Variants in IGSF21 observed in about 807,000 individuals in gnomAD.
IGSF21 encodes the protein immunoglobin superfamily member 21.
A neutral mutation model predicts 46.8 loss-of-function variants in IGSF21; 28 were observed. The ratio of observed to expected loss-of-function variants is 0.60; its 90% CI spans 0.44 to 0.82. The LOEUF (loss-of-function observed/expected upper bound fraction) is 0.82, where lower values mean the gene tolerates loss of function less well. Among genes scored for constraint, IGSF21 ranks in the 40% least tolerant of loss-of-function variants. The pLI is 0.00. For missense variants in IGSF21, 624 were observed against 665.5 expected (o/e 0.94, Z 0.69); for synonymous variants, 284 against 273.6 (o/e 1.04, Z -0.38).
chr1:18,165,173 T>C, intron 1 of IGSF21, among the ~76,000 whole-genome samples: 1 of 152,154 alleles, frequency 6.6e-6, no homozygotes, highest in South Asian at 2.1e-4. Flanking sequence ...AATAGGAGTC[T>C]GTATTTCTTG....
At chr1:18,325,251 G>A (rs1166429539) in intron 3 of IGSF21, among the ~76,000 whole-genome samples, 2 of 152,182 alleles carry the variant, frequency 1.3e-5, no homozygotes, top group South Asian at 2.1e-4. Context: ...TGTCCTCAAG[G>A]AATGTCCATT....
intron 4 of IGSF21, among the ~76,000 whole-genome samples, chr1:18,350,812 C>G (rs2124619922): frequency 6.6e-6 from 1 of 152,284 alleles, no homozygotes; most frequent in South Asian, 2.1e-4. Context: ...GCTGATAGGA[C>G]AGGAAAGACG....
At chr1:18,221,803 G>T (rs2084513135) in intron 1 of IGSF21, among the ~76,000 whole-genome samples, 1 of 152,108 alleles carries the variant, frequency 6.6e-6, no homozygotes, top group African/African-American at 2.4e-5. Flanking sequence ...GTCTTCAGCT[G>T]GTGGCTGAGT....
chr1:18,158,719 A>C (rs2086589544), intron 1 of IGSF21, among the ~76,000 whole-genome samples: 2 of 152,090 alleles, frequency 1.3e-5, no homozygotes, highest in South Asian at 4.2e-4. Flanking sequence ...TCTGCCACTT[A>C]CTGTGTGACC....
At chr1:18,268,703 C>T (rs1388479711) in intron 2 of IGSF21, among the ~76,000 whole-genome samples, 1 of 152,214 alleles carries the variant, frequency 6.6e-6, no homozygotes, top group East Asian at 1.9e-4. Flanking sequence ...ATTTATTCCT[C>T]TGCAGATCCA....
At chr1:18,260,261 T>C (rs1427608598) in intron 2 of IGSF21, among the ~76,000 whole-genome samples, 1 of 152,174 alleles carries the variant, frequency 6.6e-6, no homozygotes, top group Non-Finnish European at 1.5e-5. Context: ...AGGTGGCTGG[T>C]CCAGGGGCCA....
intron 3 of IGSF21, among the ~76,000 whole-genome samples, chr1:18,314,440 T>C (rs965201068): frequency 1.3e-5 from 2 of 152,208 alleles, no homozygotes; most frequent in African/African-American, 4.8e-5. Flanking sequence ...ATAAAGATGA[T>C]TCATGCCTAA....
chr1:18,339,698 C>G (rs1391363451), intron 4 of IGSF21, among the ~76,000 whole-genome samples: 1 of 152,214 alleles, frequency 6.6e-6, no homozygotes, highest in Non-Finnish European at 1.5e-5. Context: ...GCTTTCTAGC[C>G]TGGGCAACAG....
At chr1:18,344,200 A>C (rs904792542) in intron 4 of IGSF21, among the ~76,000 whole-genome samples, 1 of 151,908 alleles carries the variant, frequency 6.6e-6, no homozygotes, top group Non-Finnish European at 1.5e-5. Flanking sequence ...TTTCTTTTCC[A>C]CTCTGTCACC....
chr1:18,378,129 C>G (rs1400391421), intron 9 of IGSF21, 127 bp from the exon 10 acceptor site: 1 of 702,178 alleles, frequency 1.4e-6, no homozygotes, highest in Non-Finnish European at 2.5e-6. Context: ...GGTGGCAGAG[C>G]TGGGCTTCGA....
chr1:18,197,825 A>G (rs577984403), intron 1 of IGSF21, among the ~76,000 whole-genome samples: 85 of 152,356 alleles, frequency 5.6e-4, no homozygotes, highest in African/African-American at 1.9e-3. Flanking sequence ...GCTTAGAATG[A>G]TGCCTGGAAC....
At chr1:18,258,202 T>C (rs1204062571) in intron 2 of IGSF21, among the ~76,000 whole-genome samples, 4 of 152,090 alleles carry the variant, frequency 2.6e-5, no homozygotes, top group Non-Finnish European at 5.9e-5. Context: ...GGGAAAGGGG[T>C]TCCCTTCTTT....
chr1:18,220,854 A>C (rs1557593738), intron 1 of IGSF21, among the ~76,000 whole-genome samples: 1 of 152,186 alleles, frequency 6.6e-6, no homozygotes, highest in African/African-American at 2.4e-5. Flanking sequence ...GAGCAGAGGC[A>C]GCAGGCCCTG....
chr1:18,210,115 T>C lies in IGSF21; in HGVS notation c.71-17783T>C, dbSNP rs529340217. Among the ~76,000 whole-genome samples the C allele has an allele frequency of 7.2e-5, 11 of 152,260 alleles. No individual in the cohort carries two copies. The South Asian group carries it at 2.1e-3, about 29-fold the overall frequency. ...GCACTCTATAACCATGCAACTGTAA[T>C]AGGCTGATGTTTCTCTTGCTGGATG... On this transcript the variant is annotated intron_variant, in intron 1 of 9. Transcript: ENST00000251296.
chr1:18,238,386 G>A (rs369612210), intron 2 of IGSF21, among the ~76,000 whole-genome samples: 1 of 152,196 alleles, frequency 6.6e-6, no homozygotes, highest in Non-Finnish European at 1.5e-5. Context: ...CCACAGCTCA[G>A]TCAGCCTGGA....
intron 1 of IGSF21, among the ~76,000 whole-genome samples, chr1:18,117,424 G>A (rs1458630071): frequency 6.6e-6 from 1 of 152,234 alleles, no homozygotes; most frequent in Admixed American, 6.5e-5. Flanking sequence ...GGGCTTTGTA[G>A]TCTAACCAGC....
At chr1:18,144,317 C>T (rs1434438166) in intron 1 of IGSF21, among the ~76,000 whole-genome samples, 1 of 152,150 alleles carries the variant, frequency 6.6e-6, no homozygotes, top group Admixed American at 6.5e-5. Context: ...CACAGACCTC[C>T]ATGCCCCGCT....
At chr1:18,168,017 G>GA (rs913359420) in intron 1 of IGSF21, among the ~76,000 whole-genome samples, 3 of 152,022 alleles carry the variant, frequency 2.0e-5, no homozygotes, top group African/African-American at 7.3e-5. Flanking sequence ...CACATTCATG[G>GA]AAGGAGAACA....
At chr1:18,130,929 CA>C (rs2124416331) in intron 1 of IGSF21, among the ~76,000 whole-genome samples, 1 of 152,352 alleles carries the variant, frequency 6.6e-6, no homozygotes, top group Non-Finnish European at 1.5e-5. Context: ...ACAGCTCTCA[CA>C]GCCTGTATGG....
Sources: gnomAD v4.1 joint callset for allele counts (sites outside exome capture counted in the v4.1 genomes callset) on GRCh38, gnomAD v4.1.1 for gene constraint, MANE v1.5 for transcripts, NCBI Gene and HGNC (gene_info 2026-07-23, HGNC 2026-07-21) for gene names.